Variants in TOX2 observed in about 807,000 individuals in gnomAD.
TOX2 encodes granulosa cell HMG box 1.
TOX2 carries 15 observed loss-of-function variants against 47.4 expected under a neutral mutation model. The observed-to-expected ratio is 0.32, with a 90% CI of 0.21 to 0.49. The LOEUF (loss-of-function observed/expected upper bound fraction) is 0.49. TOX2 is among the 20% of genes least tolerant of loss of function. The pLI is 0.99. For missense variants in TOX2, 622 were observed against 673.1 expected (o/e 0.92, Z 0.84); for synonymous variants, 290 against 296.6 (o/e 0.98, Z 0.23).
chr20:44,006,819 C>G (rs755731340), intron 3 of TOX2, 27 bp downstream of exon 3: 1 of 1,605,160 alleles, frequency 6.2e-7, no homozygotes, highest in Admixed American at 1.7e-5. Flanking sequence ...TGCTGCAGTT[C>G]CTGCTGATGA....
At chr20:43,978,486 T>G (rs140216654) in intron 2 of TOX2, among the ~76,000 whole-genome samples, 1 of 152,214 alleles carries the variant, frequency 6.6e-6, no homozygotes, top group African/African-American at 2.4e-5. Flanking sequence ...TATGACTTAT[T>G]ATTTTTTACC....
chr20:43,964,146 C>T (rs1410358592), intron 1 of TOX2, among the ~76,000 whole-genome samples: 4 of 151,584 alleles, frequency 2.6e-5, no homozygotes, highest in Admixed American at 1.3e-4. Flanking sequence ...AGGATTTGAA[C>T]CCTGGCAGCC....
At chr20:43,917,414 C>T (rs892430621) in intron 1 of TOX2, among the ~76,000 whole-genome samples, 19 of 152,176 alleles carry the variant, frequency 1.2e-4, no homozygotes, top group African/African-American at 4.6e-4. Flanking sequence ...GCAGTAGTGA[C>T]CACACTTGGG....
chr20:44,040,948 CA>C (rs1468944970), intron 3 of TOX2, among the ~76,000 whole-genome samples: 7 of 152,102 alleles, frequency 4.6e-5, no homozygotes, highest in Non-Finnish European at 8.8e-5. Context: ...AGCCGACAGA[CA>C]GGGGAGACAG....
In TOX2 at chr20:44,065,847, A is replaced by G. The variant is rs780208061; in HGVS notation, c.1096A>G (p.Ser366Gly). ...GCCGTCGGACCTGCAGGCCTTCCGC[A>G]GTGGGGCCTCCCCTGCCAGCCTCGC... is the stretch of plus-strand genomic sequence containing the variant. ...LTPSDLQAFR[S>G]GASPASLART... The change falls in exon 7 of 9, where the codon AGT becomes GGT. Residue 366 changes from serine to glycine, a missense_variant. By Grantham distance (56) the Ser-to-Gly change is moderately conservative (BLOSUM62 0). Transcript: ENST00000341197. The G allele has an allele frequency of 3.1e-6, 5 of 1,613,746 alleles. No individual in the cohort carries two copies. The highest frequency in any genetic ancestry group is 4.2e-6 in the Non-Finnish European group (5 of 1,179,724).
chr20:43,935,927 CA>C (rs58300627), intron 1 of TOX2, among the ~76,000 whole-genome samples: 5,915 of 70,088 alleles, frequency 0.084, 26 homozygotes, highest in African/African-American at 0.11. Context: ...AACTCCATCC[CA>C]AAAAAAAAAA....
At chr20:43,925,000 T>C (rs1364293679) in intron 1 of TOX2, among the ~76,000 whole-genome samples, 1 of 152,224 alleles carries the variant, frequency 6.6e-6, no homozygotes, top group Non-Finnish European at 1.5e-5. Flanking sequence ...GGAATCATTT[T>C]TTTATTTTCC....
rs575418660 is a variant in TOX2, at chr20:43,928,981, G to GAAAAAAAAAAAAAAAA, written c.99+13994_99+14009dup. ...GAAACCCTGTCTCTACTAAAAATATGAAAAAAAAAAAAAAAAAACAACAAC... is the reference window on the plus strand; with the variant it reads ...GAAACCCTGTCTCTACTAAAAATATGAAAAAAAAAAAAAAAAAAAAAAAAAAAAAAAAAACAACAAC... On this transcript the variant is annotated intron_variant, in intron 1 of 8. Transcript: ENST00000341197. 3.9e-4 allele frequency among the ~76,000 whole-genome samples: 34 copies of GAAAAAAAAAAAAAAAA among 86,110 alleles called. 1 individual carries two copies. Among genetic ancestry groups the GAAAAAAAAAAAAAAAA allele is most frequent in the African/African-American group, 1.2e-3 (24 of 20,178 alleles). 56.5% of individuals were successfully genotyped at this position (86,110 alleles called of 152,430 possible). A position where few individuals can be genotyped will look rare whatever the true frequency, so the allele number is the denominator to read the frequency against.
At chr20:43,972,067 C>A (rs1271097747) in intron 1 of TOX2, among the ~76,000 whole-genome samples, 1 of 152,194 alleles carries the variant, frequency 6.6e-6, no homozygotes. Flanking sequence ...GTGCCCCACT[C>A]AGAACCCTTT....
chr20:44,051,615 T>G (rs1276906597), intron 4 of TOX2, 70 bp downstream of exon 4: 6 of 1,514,310 alleles, frequency 4.0e-6, no homozygotes, highest in Non-Finnish European at 5.3e-6. Context: ...TGTGGGGAAA[T>G]GGGCATCACC....
At chr20:43,931,426 C>T (rs568196631) in intron 1 of TOX2, among the ~76,000 whole-genome samples, 56 of 152,350 alleles carry the variant, frequency 3.7e-4, no homozygotes, top group African/African-American at 1.1e-3. Context: ...TGTGCCACCA[C>T]GCCTCGCTAA....
intron 3 of TOX2, among the ~76,000 whole-genome samples, chr20:44,034,045 AC>A (rs1293366319): frequency 6.6e-6 from 1 of 152,134 alleles, no homozygotes; most frequent in Non-Finnish European, 1.5e-5. Context: ...TTACCCTCCA[AC>A]AAGTCCCAGC....
At chr20:43,952,296 C>T (rs1163458207) in intron 1 of TOX2, among the ~76,000 whole-genome samples, 1 of 152,134 alleles carries the variant, frequency 6.6e-6, no homozygotes, top group East Asian at 1.9e-4. Context: ...CCCTGGCCCC[C>T]CAAAGCTCTG....
intron 3 of TOX2, among the ~76,000 whole-genome samples, chr20:44,014,211 T>C (rs1220538007): frequency 6.9e-6 from 1 of 144,752 alleles, no homozygotes; most frequent in African/African-American, 2.6e-5. Context: ...ATTCACATGG[T>C]GATGGACACA....
chr20:43,938,303 T>G (rs2069355203), intron 1 of TOX2, among the ~76,000 whole-genome samples: 1 of 152,206 alleles, frequency 6.6e-6, no homozygotes, highest in Non-Finnish European at 1.5e-5. Context: ...CCACCCGCTG[T>G]GGGATGACCC....
chr20:44,059,560 C>G (rs1235127753), intron 5 of TOX2, among the ~76,000 whole-genome samples: 1 of 152,158 alleles, frequency 6.6e-6, no homozygotes, highest in African/African-American at 2.4e-5. Flanking sequence ...GAAAACCTTT[C>G]AGATTAACAG....
At position 43,933,766 on chromosome 20, in the gene TOX2, A is replaced by G. The variant is rs1348087737; in HGVS notation, c.99+18776A>G. Reference sequence around the variant, plus strand: ...CATGCCTCCTGTGCCACCTCCCAGCAGGTATTTCTCCAGAGGGAGCAGCTG... The same window carrying G: ...CATGCCTCCTGTGCCACCTCCCAGCGGGTATTTCTCCAGAGGGAGCAGCTG... On this transcript the variant is annotated intron_variant, in intron 1 of 8. Transcript: ENST00000341197. Among the ~76,000 whole-genome samples the G allele has an allele frequency of 2.0e-5, 3 of 152,112 alleles. No homozygotes were observed. The East Asian group carries it at 5.8e-4, about 29-fold the overall frequency.
intron 1 of TOX2, among the ~76,000 whole-genome samples, chr20:43,921,962 CA>C: frequency 6.6e-6 from 1 of 152,204 alleles, no homozygotes; most frequent in East Asian, 1.9e-4. Flanking sequence ...TCATTTCCTC[CA>C]CCTTCTGTTA....
At chr20:43,991,644 T>C (rs536387864) in intron 2 of TOX2, among the ~76,000 whole-genome samples, 1 of 120,106 alleles carries the variant, frequency 8.3e-6, no homozygotes, top group South Asian at 2.4e-4. Context: ...TTATTATTAT[T>C]ATTATTATTA....
Sources: allele counts gnomAD v4.1 joint callset (sites outside exome capture counted in the v4.1 genomes callset), GRCh38; gene constraint gnomAD v4.1.1; transcripts MANE v1.5; gene names NCBI Gene and HGNC (gene_info 2026-07-23, HGNC 2026-07-21).